The following MEIS3 variants were observed in gnomAD, a reference collection of about 807,000 sequenced individuals.
The protein encoded by MEIS3 is Meis homeobox 3, also known as homeobox protein Meis3.
MEIS3 carries 38 observed loss-of-function variants against 51.4 expected under a neutral mutation model. That is an observed-to-expected ratio of 0.74 (90% CI 0.57 to 0.97). The LOEUF is 0.97. Ranked by LOEUF, MEIS3 falls within the 50% of genes least tolerant of loss-of-function variation. MEIS3 has a pLI of 0.00. For missense variants in MEIS3, 456 were observed against 502.6 expected (o/e 0.91, Z 0.89); for synonymous variants, 198 against 201.8 (o/e 0.98, Z 0.16).
intron 8 of MEIS3, 101 bp from the exon 9 acceptor site, chr19:47,407,529 A>C: frequency 6.2e-7 from 1 of 1,600,168 alleles, no homozygotes; most frequent in Non-Finnish European, 8.5e-7. Context: ...GCCCAGGCCC[A>C]GGCAGACGTC....
At chr19:47,407,571 G>T (rs1344115685) in intron 8 of MEIS3, 143 bp from the exon 9 acceptor site, 1 of 1,530,680 alleles carries the variant, frequency 6.5e-7, no homozygotes, top group Non-Finnish European at 8.7e-7. Flanking sequence ...GCGTCTCTGC[G>T]CTCCCCAGGA....
rs1472532972 is a variant in MEIS3 at position 47,417,246 on chromosome 19, C to G, written c.117G>C (p.Arg39=). 1 of 1,605,734 alleles carries G rather than the reference C, an allele frequency of 6.2e-7. No homozygotes were observed. The highest frequency in any genetic ancestry group is 8.5e-7 in the Non-Finnish European group (1 of 1,176,096). Residue 39 remains arginine (R), a synonymous_variant, in exon 2 of 13, where the codon CGG becomes CGC. Coordinates refer to ENST00000558555, the MANE Select transcript of MEIS3 (RefSeq NM_001301059.2). The part of the protein sequence containing the change: ...PAVPGPYGPH[R]PPQPLPPGLD... ...AGCCTGGGGGCAGGGGCTGGGGAGG[C>G]CGGTGCGGGCCATAGGGCCCTGGTA...
At chr19:47,407,218 G>A in intron 9 of MEIS3, 81 bp from the exon 10 acceptor site, 9 of 1,511,572 alleles carry the variant, frequency 6.0e-6, no homozygotes, top group Non-Finnish European at 8.0e-6. Flanking sequence ...GCGGGCCGGA[G>A]GACAGCGGCG....
At chr19:47,409,367 T>G in intron 7 of MEIS3, 69 bp downstream of exon 7, 1 of 1,575,188 alleles carries the variant, frequency 6.3e-7, no homozygotes, top group South Asian at 1.1e-5. Context: ...TCTACAAGTC[T>G]TACTTGCGAT....
chr19:47,420,910 T>TCACACACACA (rs796578167), upstream of MEIS3, among the ~76,000 whole-genome samples: 625 of 70,706 alleles, frequency 8.8e-3, 8 homozygotes, highest in Non-Finnish European at 0.014. Context: ...TCTCTCTCTC[T>TCACACACACA]CACACACACA....
intron 4 of MEIS3, chr19:47,415,968 G>A (rs1217788596): frequency 3.3e-5 from 5 of 152,184 alleles, no homozygotes; most frequent in Non-Finnish European, 7.3e-5. Context: ...GCTGATCAAG[G>A]GTCACTACAG....
At chr19:47,414,172 C>A (rs571866719) in intron 6 of MEIS3, among the ~76,000 whole-genome samples, 1 of 152,088 alleles carries the variant, frequency 6.6e-6, no homozygotes, top group South Asian at 2.1e-4. Flanking sequence ...TGGCCAGGGT[C>A]ACGTGTGTGC....
intron 8 of MEIS3, among the ~76,000 whole-genome samples, 183 bp downstream of exon 8, chr19:47,408,916 C>T (rs750167317): frequency 1.3e-5 from 2 of 152,022 alleles, no homozygotes; most frequent in African/African-American, 2.4e-5. Flanking sequence ...CTGAGCGGCA[C>T]CTGCACTCAG....
At chr19:47,405,696 C>T (rs1970782263) in intron 12 of MEIS3, among the ~76,000 whole-genome samples, 1 of 151,684 alleles carries the variant, frequency 6.6e-6, no homozygotes, top group Non-Finnish European at 1.5e-5. Flanking sequence ...ACTATGGGTA[C>T]ATGCCACCAC....
At chr19:47,420,677 G>A (rs1254940788), upstream of MEIS3, among the ~76,000 whole-genome samples, 3 of 151,804 alleles carry the variant, frequency 2.0e-5, no homozygotes, top group Admixed American at 2.0e-4. Context: ...AGAGCAGGGG[G>A]CTTGGACTCT....
intron 8 of MEIS3, chr19:47,407,709 C>G: frequency 6.5e-5 from 26 of 400,502 alleles, no homozygotes; most frequent in Non-Finnish European, 7.3e-5. Flanking sequence ...GCTCCTGTGG[C>G]GTGGGGGAGG....
intron 9 of MEIS3, 106 bp downstream of exon 9, chr19:47,407,246 C>A (rs1599800630): frequency 6.8e-7 from 1 of 1,478,276 alleles, no homozygotes; most frequent in Non-Finnish European, 9.1e-7. Context: ...CAGAGCGGGG[C>A]GAGCAGGGGC....
At chr19:47,418,840 G>A in intron 1 of MEIS3, 1 of 391,658 alleles carries the variant, frequency 2.6e-6, no homozygotes, top group Non-Finnish European at 4.5e-6. Context: ...GGGAGAAGGA[G>A]AAGCTAAACG....
rs769464074 is a variant in MEIS3, at chr19:47,406,557, C to T, written c.1079-31G>A. 51 of 1,611,350 alleles carry T rather than the reference C, an allele frequency of 3.2e-5. No homozygotes were observed. In the Middle Eastern group the frequency reaches 4.9e-4, roughly 16 times the overall value. On this transcript the variant is annotated intron_variant, in intron 11 of 12. Transcript: ENST00000558555. ...AGACAAAAAAAAAGGAGGGTAAGTG[C>T]GTCTTTCAGAGACACCCCCAGATGC...
At chr19:47,411,498 A>G (rs1275593702) in intron 6 of MEIS3, among the ~76,000 whole-genome samples, 1 of 151,974 alleles carries the variant, frequency 6.6e-6, no homozygotes, top group African/African-American at 2.4e-5. Context: ...GGGGTCTCAG[A>G]ATTGTAGCTA....
chr19:47,421,203 T>C (rs11083877), upstream of MEIS3, among the ~76,000 whole-genome samples: 40,912 of 151,876 alleles, frequency 0.27, 7,488 homozygotes, highest in African/African-American at 0.52. Context: ...CAGCTCCCAG[T>C]CTGCAGGGGT....
Position 47,414,791 on chromosome 19 carries a change from T to C in MEIS3, c.523A>G (p.Ile175Val). The change falls in exon 6 of 13, where the codon ATC (isoleucine) becomes GTC (valine). Residue 175 changes from isoleucine to valine, a missense_variant. Coordinates refer to ENST00000558555, the MANE Select transcript of MEIS3 (RefSeq NM_001301059.2). ...CTGCAGCCGCCGTCCCGATCCTCGA[T>C]GACCAGGTCGATGGGCATCTTTCCC... Reference protein sequence around the residue: ...LKGKMPIDLVIEDRDGGCRED... With the variant: ...LKGKMPIDLVVEDRDGGCRED... 4 of 1,613,304 alleles carry C rather than the reference T, an allele frequency of 2.5e-6. No individual in the cohort carries two copies. Among genetic ancestry groups the C allele is most frequent in the Non-Finnish European group, 3.4e-6 (4 of 1,179,856 alleles).
Position 47,414,800 on chromosome 19 carries a change from C to G in MEIS3, c.514G>C (p.Asp172His). 1 of 1,612,806 alleles carries G rather than the reference C, an allele frequency of 6.2e-7. No homozygotes were observed. The change falls in exon 6 of 13, where the codon GAC becomes CAC. Residue 172 changes from aspartate to histidine, a missense_variant. Transcript: ENST00000558555. ...ITCLKGKMPI[D>H]LVIEDRDGGC... ...CCGTCCCGATCCTCGATGACCAGGT[C>G]GATGGGCATCTTTCCCTTGAGGCAG... is the stretch of plus-strand genomic sequence containing the variant.
intron 6 of MEIS3, among the ~76,000 whole-genome samples, 199 bp downstream of exon 6, chr19:47,414,518 T>C (rs1971295972): frequency 1.3e-5 from 2 of 152,186 alleles, no homozygotes; most frequent in Admixed American, 1.3e-4. Context: ...GGTGTGCGTG[T>C]GTCTGTGCAC....
Sources: allele counts gnomAD v4.1 joint callset (sites outside exome capture counted in the v4.1 genomes callset), GRCh38; gene constraint gnomAD v4.1.1; transcripts MANE v1.5; gene names NCBI Gene and HGNC (gene_info 2026-07-23, HGNC 2026-07-21).